Variants in INIP observed in about 807,000 individuals in gnomAD.
INIP encodes SOSS complex subunit C.
In INIP, 9 loss-of-function variants were observed where a neutral mutation model predicts 14.0. The observed-to-expected ratio is 0.64, with a 90% CI of 0.39 to 1.12. The LOEUF is 1.12. INIP is among the 50% of genes most tolerant of loss of function. The probability of loss-of-function intolerance (pLI) is 0.01; values close to 1 mark genes in which losing one functional copy is unlikely to be tolerated. For missense variants in INIP, 78 were observed against 122.7 expected (o/e 0.64, Z 1.72); for synonymous variants, 37 against 41.5 (o/e 0.89, Z 0.41).
chr9:112,697,129 G>A lies in INIP; in HGVS notation c.26-2896C>T, dbSNP rs76669745. On this transcript the variant is annotated intron_variant, in intron 2 of 4. Transcript: ENST00000374242. Reference sequence around the variant, plus strand: ...CCAGCCTCCATCCAGGGCCCATAAAGAGTCATCACATTGAACAAAAGATGC... The same window carrying A: ...CCAGCCTCCATCCAGGGCCCATAAAAAGTCATCACATTGAACAAAAGATGC... Among the ~76,000 whole-genome samples the A allele has an allele frequency of 6.8e-3, 1,030 of 152,286 alleles. 7 individuals carry two copies. Among genetic ancestry groups the A allele is most frequent in the Non-Finnish European group, 0.011 (751 of 68,020 alleles).
At chr9:112,716,363 T>C in intron 2 of INIP, 98 bp downstream of exon 2, 1 of 1,111,588 alleles carries the variant, frequency 9.0e-7, no homozygotes, top group Non-Finnish European at 1.4e-6. Flanking sequence ...TTTTAAATTC[T>C]GGCTACAGTA....
At chr9:112,690,435 T>C (rs1190222389) in intron 3 of INIP, among the ~76,000 whole-genome samples, 2 of 152,166 alleles carry the variant, frequency 1.3e-5, no homozygotes, top group African/African-American at 4.8e-5. Context: ...AAGGTGCCAC[T>C]GCACTCCAGC....
At chr9:112,704,484 A>G (rs1324266571) in intron 2 of INIP, among the ~76,000 whole-genome samples, 1 of 152,234 alleles carries the variant, frequency 6.6e-6, no homozygotes, top group Non-Finnish European at 1.5e-5. Flanking sequence ...CTAGGCTGCA[A>G]GAAACTAACA....
intron 2 of INIP, among the ~76,000 whole-genome samples, chr9:112,715,110 A>C (rs1188806650): frequency 1.3e-5 from 2 of 148,464 alleles, no homozygotes; most frequent in Admixed American, 6.9e-5. Context: ...TGAGATCTTA[A>C]AATACACACA....
intron 1 of INIP, among the ~76,000 whole-genome samples, chr9:112,716,861 G>A (rs1838837211): frequency 2.0e-5 from 3 of 151,772 alleles, no homozygotes; most frequent in South Asian, 4.2e-4. Context: ...AGGGCGAGAC[G>A]GGAGAATCAC....
In INIP at chr9:112,685,669, A is replaced by G. The variant is rs556479777; in HGVS notation, c.*1869T>C. On this transcript the variant is annotated 3_prime_UTR_variant, in exon 5 of 5. Coordinates refer to ENST00000374242, the MANE Select transcript of INIP (RefSeq NM_021218.3). ...GTGTTATCTCCTTAGAGACAGATTTAGAACCATGTCAGTTATGTTGCAGAT... is the reference window on the plus strand; with the variant it reads ...GTGTTATCTCCTTAGAGACAGATTTGGAACCATGTCAGTTATGTTGCAGAT... 13 of 152,350 alleles carry G rather than the reference A, an allele frequency of 8.5e-5. No homozygotes were observed. The highest frequency in any genetic ancestry group is 3.1e-4 in the African/African-American group (13 of 41,582). 9.4% of individuals were successfully genotyped at this position (152,350 alleles called of 1,614,324 possible).
intron 1 of INIP, among the ~76,000 whole-genome samples, chr9:112,717,062 C>T (rs777183509): frequency 6.6e-6 from 1 of 151,984 alleles, no homozygotes; most frequent in Non-Finnish European, 1.5e-5. Context: ...TAATTAAATA[C>T]GGCATTGTTT....
Position 112,716,542 on chromosome 9 carries a change from C to A in INIP, c.-56-1G>T. 6.7e-7 allele frequency: 1 copy of A among 1,493,974 alleles called. No individual in the cohort carries two copies. The highest frequency in any genetic ancestry group is 9.3e-7 in the Non-Finnish European group (1 of 1,070,756). 92.5% of individuals were successfully genotyped at this position (1,493,974 alleles called of 1,614,324 possible). A position where few individuals can be genotyped will look rare whatever the true frequency, so the allele number is the denominator to read the frequency against. On this transcript the variant is annotated splice_acceptor_variant, in intron 1 of 4. Coordinates refer to ENST00000374242, the MANE Select transcript of INIP (RefSeq NM_021218.3). LOFTEE classifies it low-confidence loss of function (5UTR_SPLICE). ...CAATTGGTCAGCACTTCACAATCAC[C>A]TATAAAATATGTGTACACACATATA...
At chr9:112,692,757 G>T (rs916007562) in intron 3 of INIP, among the ~76,000 whole-genome samples, 1 of 151,620 alleles carries the variant, frequency 6.6e-6, no homozygotes, top group African/African-American at 2.4e-5. Context: ...AGGCTATAAG[G>T]GCTAGGTGCA....
At chr9:112,710,874 C>G (rs966485146) in intron 2 of INIP, among the ~76,000 whole-genome samples, 1 of 151,964 alleles carries the variant, frequency 6.6e-6, no homozygotes, top group African/African-American at 2.4e-5. Context: ...TGATTTACTA[C>G]AGAAAGTAAA....
At chr9:112,689,153 T>C (rs568467688) in intron 4 of INIP, among the ~76,000 whole-genome samples, 1 of 152,082 alleles carries the variant, frequency 6.6e-6, no homozygotes, top group African/African-American at 2.4e-5. Flanking sequence ...GCAACAATAA[T>C]AAACTAATAC....
intron 2 of INIP, among the ~76,000 whole-genome samples, chr9:112,710,988 G>T (rs1320093496): frequency 6.6e-6 from 1 of 151,666 alleles, no homozygotes; most frequent in Non-Finnish European, 1.5e-5. Context: ...AGACCAGCCT[G>T]GGCAACAAAG....
At chr9:112,712,270 C>T (rs139378546) in intron 2 of INIP, among the ~76,000 whole-genome samples, 82 of 152,300 alleles carry the variant, frequency 5.4e-4, no homozygotes, top group African/African-American at 1.9e-3. Flanking sequence ...AATAAAGCAG[C>T]AGGTGGAAGC....
intron 4 of INIP, among the ~76,000 whole-genome samples, chr9:112,688,556 C>T (rs987947612): frequency 6.6e-5 from 10 of 150,440 alleles, no homozygotes; most frequent in Non-Finnish European, 1.5e-4. Context: ...AATGGTGGCT[C>T]ACACCTGTAA....
At position 112,686,728 on chromosome 9, in the gene INIP, T is replaced by G. The variant is rs771110485; in HGVS notation, c.*810A>C. The G allele has an allele frequency of 6.6e-6, 1 of 152,146 alleles. No individual in the cohort carries two copies. The highest frequency in any genetic ancestry group is 1.9e-4 in the East Asian group (1 of 5,178). 9.4% of individuals were successfully genotyped at this position (152,146 alleles called of 1,614,324 possible). On this transcript the variant is annotated 3_prime_UTR_variant, in exon 5 of 5. Coordinates refer to ENST00000374242, the MANE Select transcript of INIP (RefSeq NM_021218.3). ...GGCCAGGCTGGTCTCAAACTCCTGA[T>G]CTCAAGTGATCTGCCCGCCTTGGCC...
At chr9:112,691,216 C>T (rs1363448698) in intron 3 of INIP, among the ~76,000 whole-genome samples, 4 of 152,162 alleles carry the variant, frequency 2.6e-5, no homozygotes, top group Admixed American at 1.3e-4. Context: ...AGATGTGAGA[C>T]ACCTTTCAAA....
At chr9:112,698,794 G>A (rs893825183) in intron 2 of INIP, among the ~76,000 whole-genome samples, 1 of 152,166 alleles carries the variant, frequency 6.6e-6, no homozygotes, top group Non-Finnish European at 1.5e-5. Flanking sequence ...ATCTTAAGGA[G>A]CAGAAAAATG....
At chr9:112,716,410 T>C in intron 2 of INIP, 51 bp downstream of exon 2, 1 of 1,533,822 alleles carries the variant, frequency 6.5e-7, no homozygotes, top group Non-Finnish European at 9.0e-7. Context: ...TTCAAATACA[T>C]TTACTATATT....
intron 3 of INIP, among the ~76,000 whole-genome samples, chr9:112,692,477 T>A (rs1837924105): frequency 6.6e-6 from 1 of 151,848 alleles, no homozygotes; most frequent in Non-Finnish European, 1.5e-5. Context: ...TAGAGATGGG[T>A]CTTGCCACGT....
Sources: gnomAD v4.1 joint callset for allele counts (sites outside exome capture counted in the v4.1 genomes callset) on GRCh38, gnomAD v4.1.1 for gene constraint, MANE v1.5 for transcripts, NCBI Gene and HGNC (gene_info 2026-07-23, HGNC 2026-07-21) for gene names.